HSPG2: variants seen among roughly 807,000 people sequenced by gnomAD.
HSPG2 encodes the protein basement membrane-specific heparan sulfate proteoglycan core protein.
HSPG2 carries 278 observed loss-of-function variants against 526.6 expected under a neutral mutation model. The ratio of observed to expected loss-of-function variants is 0.53; its 90% confidence interval spans 0.48 to 0.58. The LOEUF is 0.58. HSPG2 is among the 20% of genes least tolerant of loss of function. The pLI is 0.00. For synonymous variants in HSPG2, 2,465 were observed against 2,555.4 expected (o/e 0.96, Z 1.07); for missense variants, 5,354 against 6,099.5 (o/e 0.88, Z 4.07).
intron 39 of HSPG2, among the ~76,000 whole-genome samples, chr1:21,861,526 G>C (rs1291099982): frequency 6.6e-6 from 1 of 151,826 alleles, no homozygotes; most frequent in Non-Finnish European, 1.5e-5. Flanking sequence ...AAAAAGTTAA[G>C]CCCAGCTAAA....
At position 21,884,851 on chromosome 1, in the gene HSPG2, C is replaced by T; in HGVS notation, c.1423G>A (p.Gly475Ser). 1 of 1,613,950 alleles carries T rather than the reference C, an allele frequency of 6.2e-7. No individual in the cohort carries two copies. Among genetic ancestry groups the T allele is most frequent in the Non-Finnish European group, 8.5e-7 (1 of 1,180,032 alleles). The change falls in exon 12 of 97, where the codon GGT (glycine) becomes AGT (serine). Residue 475 changes from glycine (G) to serine (S), a missense_variant. Physicochemically the swap from Gly to Ser is moderately conservative, Grantham distance 56 (BLOSUM62 0). Coordinates refer to ENST00000374695, the MANE Select transcript of HSPG2 (RefSeq NM_005529.7). The part of the protein sequence containing the change: ...IIRDVKESDQ[G>S]AYTCEAMNAR... ...TTCATGGCCTCACAGGTGTAGGCAC[C>T]CTGGTCTGACTCCTTCACATCACGG...
chr1:21,885,064 G>C lies in HSPG2; in HGVS notation c.1304C>G (p.Thr435Ser), dbSNP rs760562821. 1 of 1,613,912 alleles carries C rather than the reference G, an allele frequency of 6.2e-7. No individual in the cohort carries two copies. The change falls in exon 11 of 97, where the codon ACC (threonine) becomes AGC (serine). Residue 435 changes from threonine to serine, a missense_variant. Thr to Ser is a moderately conservative substitution (Grantham distance 58). Transcript: ENST00000374695. ...GTTGAGCCTCCAATTGATGATGGGGGTGGGGACGCCAATGGCCACGCAGGT... is the reference window on the plus strand; with the variant it reads ...GTTGAGCCTCCAATTGATGATGGGGCTGGGGACGCCAATGGCCACGCAGGT... ...TFTCVAIGVP[T>S]PIINWRLNWG...
At chr1:21,856,888 C>T in intron 44 of HSPG2, 127 bp downstream of exon 44, 1 of 1,021,920 alleles carries the variant, frequency 9.8e-7, no homozygotes, top group Non-Finnish European at 1.5e-6. Context: ...TCTGCAGAGC[C>T]TAGACCAGGA....
At position 21,895,142 on chromosome 1, in the gene HSPG2, G is replaced by C. The variant is rs774695965; in HGVS notation, c.244+780C>G. ...GCCCTGGATGCCACGGGATGGCCCA[G>C]TAGTTGGTCTGACCTGAGCACCTGC... On this transcript the variant is annotated intron_variant, in intron 3 of 96. Transcript: ENST00000374695. This position sits in a 1 kb window ranked among gnomAD's most constrained non-coding sequence, Gnocchi z 4.1. Among the ~76,000 whole-genome samples the C allele has an allele frequency of 2.0e-5, 3 of 152,320 alleles. No homozygotes were observed. The highest frequency in any genetic ancestry group is 4.4e-5 in the Non-Finnish European group (3 of 68,030).
intron 91 of HSPG2, among the ~76,000 whole-genome samples, chr1:21,826,147 T>C (rs772158837): frequency 5.3e-5 from 8 of 151,920 alleles, no homozygotes; most frequent in Non-Finnish European, 7.4e-5. Flanking sequence ...AGTGACACAA[T>C]TGTAGCTCAC....
intron 84 of HSPG2, 34 bp downstream of exon 84, chr1:21,831,181 C>T (rs765006868): frequency 6.9e-6 from 11 of 1,603,506 alleles, no homozygotes; most frequent in African/African-American, 6.7e-5. Context: ...GTGGAGGCCA[C>T]GGCAGCCAGG....
At chr1:21,862,237 T>C (rs1012945274) in intron 37 of HSPG2, 122 bp from the exon 38 acceptor site, 51 of 1,152,940 alleles carry the variant, frequency 4.4e-5, no homozygotes, top group South Asian at 3.6e-4. Context: ...GAAAGAATCA[T>C]GGAAGGGCAC....
intron 1 of HSPG2, among the ~76,000 whole-genome samples, chr1:21,931,585 A>G (rs1297424996): frequency 1.3e-5 from 2 of 152,124 alleles, no homozygotes; most frequent in Admixed American, 1.3e-4. Flanking sequence ...CTGACCCCTC[A>G]TAGCTGGGAC....
At chr1:21,913,210 C>T (rs928498908) in intron 1 of HSPG2, among the ~76,000 whole-genome samples, 3 of 152,096 alleles carry the variant, frequency 2.0e-5, no homozygotes, top group African/African-American at 7.2e-5. Context: ...GATGAGGCCT[C>T]TGGGAGGGTG....
chr1:21,897,334 G>A (rs976428724), intron 1 of HSPG2, among the ~76,000 whole-genome samples: 1 of 152,216 alleles, frequency 6.6e-6, no homozygotes, highest in Non-Finnish European at 1.5e-5. Flanking sequence ...CCTTAAGCCA[G>A]AAGGAAATGG....
In HSPG2 at chr1:21,841,269, G is replaced by A. The variant is rs1338149550; in HGVS notation, c.9345C>T (p.Ser3115=). 1.8e-5 allele frequency: 29 copies of A among 1,613,646 alleles called. No individual in the cohort carries two copies. The highest frequency in any genetic ancestry group is 2.7e-5 in the African/African-American group (2 of 74,930). ...CCCACACGGGGCCCTCGGGGAGCAC[G>A]GACACTGTAGGGGGCCCTGTGCGGA... The part of the protein sequence containing the change: ...NLSVHGPPTV[S]VLPEGPVWVK... Residue 3115 remains serine, a synonymous_variant, in exon 71 of 97, where the codon TCC becomes TCT. Transcript: ENST00000374695.
chr1:21,824,962 C>G lies in HSPG2; in HGVS notation c.12590-183G>C. 3.1e-6 allele frequency: 2 copies of G among 644,384 alleles called. No homozygotes were observed. 39.9% of individuals were successfully genotyped at this position (644,384 alleles called of 1,614,324 possible). Reference sequence around the variant, plus strand: ...GAGCCTATGACCTTGGATGGGAAAGCATTACACCTCAATTTCACTCACTTC... The same window carrying G: ...GAGCCTATGACCTTGGATGGGAAAGGATTACACCTCAATTTCACTCACTTC... On this transcript the variant is annotated intron_variant, in intron 91 of 96. Transcript: ENST00000374695. The surrounding 1 kb of genome is among the most constrained non-coding windows in gnomAD (Gnocchi z 5.9).
intron 1 of HSPG2, among the ~76,000 whole-genome samples, chr1:21,917,784 G>T (rs1372769791): frequency 6.6e-6 from 1 of 152,076 alleles, no homozygotes; most frequent in Non-Finnish European, 1.5e-5. Flanking sequence ...CCACTCTAAA[G>T]ACTTTTTGGA....
chr1:21,930,348 GTTTTA>G (rs1217405623), intron 1 of HSPG2, among the ~76,000 whole-genome samples: 1 of 152,248 alleles, frequency 6.6e-6, no homozygotes, highest in East Asian at 1.9e-4. Flanking sequence ...CCTCTTCCCT[GTTTTA>G]TTTTTTCTTC....
intron 44 of HSPG2, 63 bp downstream of exon 44, chr1:21,856,952 C>A: frequency 6.6e-7 from 1 of 1,509,246 alleles, no homozygotes; most frequent in Non-Finnish European, 9.2e-7. Context: ...AAATGCTGTG[C>A]TAATTCTGGT....
intron 44 of HSPG2, among the ~76,000 whole-genome samples, chr1:21,856,290 A>T (rs972335729): frequency 6.6e-6 from 1 of 151,630 alleles, no homozygotes; most frequent in African/African-American, 2.4e-5. Flanking sequence ...TGCCAAGAAC[A>T]CTCTGCCAAC....
Position 21,854,359 on chromosome 1 carries a change from C to G in HSPG2, c.6289-16G>C. ...AGCCGTGCACCTGGGCCAGGAGGAG[C>G]CAGAGGTACGTGAGGACAGGGACGG... On this transcript the variant is annotated splice_polypyrimidine_tract_variant and intron_variant, in intron 49 of 96. Transcript: ENST00000374695. 1 of 1,561,708 alleles carries G rather than the reference C, an allele frequency of 6.4e-7. No individual in the cohort carries two copies. Among genetic ancestry groups the G allele is most frequent in the Non-Finnish European group, 8.7e-7 (1 of 1,152,680 alleles).
rs77579053 is a variant in HSPG2, at chr1:21,895,361, C to T, written c.244+561G>A. Among the ~76,000 whole-genome samples, 861 of 152,306 alleles carry T rather than the reference C, an allele frequency of 5.7e-3. 2 individuals carry two copies. Among genetic ancestry groups the T allele is most frequent in the Non-Finnish European group, 9.3e-3 (635 of 68,006 alleles). On this transcript the variant is annotated intron_variant, in intron 3 of 96. Transcript: ENST00000374695. This position sits in a 1 kb window ranked among gnomAD's most constrained non-coding sequence, Gnocchi z 4.1. ...TCTGACCAGGGTGGGGGCTGACTCTCCTCCCTCCAAGAGCCTAGCCTTGCC... is the reference window on the plus strand; with the variant it reads ...TCTGACCAGGGTGGGGGCTGACTCTTCTCCCTCCAAGAGCCTAGCCTTGCC...
chr1:21,905,464 A>C (rs755624506), intron 1 of HSPG2, among the ~76,000 whole-genome samples: 12 of 152,090 alleles, frequency 7.9e-5, no homozygotes, highest in African/African-American at 1.9e-4. Context: ...TCAGCCGCGC[A>C]TGGTCGGTGC....
Sources: allele counts gnomAD v4.1 joint callset (sites outside exome capture counted in the v4.1 genomes callset), GRCh38; gene constraint gnomAD v4.1.1; non-coding constraint Gnocchi (gnomAD v3.1); transcripts MANE v1.5; gene names NCBI Gene and HGNC (gene_info 2026-07-23, HGNC 2026-07-21).